COL22A1: variants seen among roughly 807,000 people sequenced by gnomAD.
The protein encoded by COL22A1 is collagen alpha-1(XXII) chain.
A neutral mutation model predicts 248.9 loss-of-function variants in COL22A1; 221 were observed. That is an observed-to-expected ratio of 0.89 (90% CI 0.80 to 0.99). COL22A1 has a LOEUF of 0.99. Ranked by LOEUF, COL22A1 falls within the 50% of genes least tolerant of loss-of-function variation. COL22A1 has a pLI of 0.00. For missense variants in COL22A1, 2,240 were observed against 2,179.0 expected (o/e 1.03, Z -0.56); for synonymous variants, 891 against 793.4 (o/e 1.12, Z -2.07).
intron 2 of COL22A1, among the ~76,000 whole-genome samples, chr8:138,879,834 C>T (rs1824047626): frequency 1.4e-5 from 1 of 71,540 alleles, no homozygotes; most frequent in Non-Finnish European, 2.7e-5. Flanking sequence ...AAACATTTGG[C>T]TATAAAACAA....
intron 1 of COL22A1, among the ~76,000 whole-genome samples, chr8:138,896,036 A>G (rs1825389814): frequency 6.6e-6 from 1 of 152,192 alleles, no homozygotes; most frequent in Non-Finnish European, 1.5e-5. Context: ...TCAACCCACA[A>G]TCTTATATCC....
chr8:138,903,016 C>T (rs1297288979), intron 1 of COL22A1, among the ~76,000 whole-genome samples: 2 of 152,012 alleles, frequency 1.3e-5, no homozygotes, highest in African/African-American at 4.8e-5. Context: ...GGGGCTAACA[C>T]GTGAATAAGA....
intron 27 of COL22A1, among the ~76,000 whole-genome samples, chr8:138,717,457 TTTTTA>T (rs1829533208): frequency 6.6e-6 from 1 of 152,104 alleles, no homozygotes; most frequent in Non-Finnish European, 1.5e-5. Flanking sequence ...AGAATTTATT[TTTTTA>T]TTTTTAGTTT....
In COL22A1 at chr8:138,751,356, A is replaced by C. The variant is rs111407804; in HGVS notation, c.2085+102T>G. The C allele has an allele frequency of 5.1e-3, 3,944 of 774,416 alleles. 87 individuals are homozygous for C. Among genetic ancestry groups the C allele is most frequent in the African/African-American group, 0.05 (2,826 of 56,870 alleles). 48.0% of individuals were successfully genotyped at this position (774,416 alleles called of 1,614,324 possible). ...CATTCTACTTCCAATATTCATTTCA[A>C]GTCCCTGAAACTGACACTGTCTATC... On this transcript the variant is annotated intron_variant, in intron 22 of 64. Transcript: ENST00000303045.
chr8:138,668,557 T>G (rs139955329), intron 41 of COL22A1, among the ~76,000 whole-genome samples: 4,249 of 152,332 alleles, frequency 0.028, 90 homozygotes, highest in Middle Eastern at 0.11. Context: ...CATTCTCTTC[T>G]TTCTCTGCTG....
intron 39 of COL22A1, among the ~76,000 whole-genome samples, chr8:138,681,181 G>C (rs11777130): frequency 1.3e-5 from 2 of 152,038 alleles, no homozygotes; most frequent in Admixed American, 1.3e-4. Flanking sequence ...GACCCCACAG[G>C]GTGATCTAAT....
intron 15 of COL22A1, 99 bp downstream of exon 15, chr8:138,778,254 C>T (rs775814399): frequency 7.6e-7 from 1 of 1,320,498 alleles, no homozygotes; most frequent in Non-Finnish European, 1.1e-6. Context: ...GGCAAAACAG[C>T]ATTACTGTCT....
chr8:138,717,848 G>A (rs1340563907), intron 27 of COL22A1, among the ~76,000 whole-genome samples: 1 of 152,208 alleles, frequency 6.6e-6, no homozygotes, highest in African/African-American at 2.4e-5. Flanking sequence ...CGATGATGAT[G>A]GTGGTGGTGA....
intron 1 of COL22A1, among the ~76,000 whole-genome samples, chr8:138,911,832 G>A (rs765796410): frequency 2.0e-5 from 3 of 152,204 alleles, no homozygotes; most frequent in Non-Finnish European, 4.4e-5. Context: ...TGCTCCAAAT[G>A]TTTTAAAGGA....
intron 3 of COL22A1, among the ~76,000 whole-genome samples, chr8:138,866,322 T>G (rs1364345481): frequency 1.6e-4 from 24 of 152,210 alleles, no homozygotes; most frequent in Admixed American, 1.6e-3. Context: ...CTACAGGACA[T>G]GAGAGGCACT....
intron 11 of COL22A1, among the ~76,000 whole-genome samples, chr8:138,798,643 T>C (rs887698903): frequency 9.2e-5 from 14 of 152,212 alleles, no homozygotes; most frequent in African/African-American, 1.7e-4. Flanking sequence ...GGTTGTAATG[T>C]ATTGTTATAC....
intron 3 of COL22A1, among the ~76,000 whole-genome samples, chr8:138,857,034 C>T (rs1384689804): frequency 6.6e-6 from 1 of 152,088 alleles, no homozygotes; most frequent in Non-Finnish European, 1.5e-5. Flanking sequence ...CTTTGCCCCT[C>T]TGATTCTCCC....
chr8:138,874,354 C>T (rs1360754462), intron 3 of COL22A1, among the ~76,000 whole-genome samples: 1 of 152,168 alleles, frequency 6.6e-6, no homozygotes, highest in Non-Finnish European at 1.5e-5. Context: ...GTAGGGTTTC[C>T]CTTTCTCTTG....
intron 1 of COL22A1, 31 bp from the exon 2 acceptor site, chr8:138,883,275 C>A: frequency 8.3e-7 from 1 of 1,209,668 alleles, no homozygotes; most frequent in Non-Finnish European, 1.2e-6. Context: ...TTAGAGAAGG[C>A]TCTCAAGCTG....
intron 33 of COL22A1, 123 bp downstream of exon 33, chr8:138,694,703 G>C: frequency 2.2e-6 from 3 of 1,380,112 alleles, no homozygotes; most frequent in Non-Finnish European, 3.0e-6. Flanking sequence ...AGAAAGGGCT[G>C]CCTTCCATTC....
intron 40 of COL22A1, among the ~76,000 whole-genome samples, chr8:138,677,281 A>G (rs1412306221): frequency 6.6e-6 from 1 of 152,224 alleles, no homozygotes; most frequent in African/African-American, 2.4e-5. Context: ...GGGGAACAGG[A>G]CAGGAGCTGC....
chr8:138,782,676 G>T (rs961030061), intron 12 of COL22A1, among the ~76,000 whole-genome samples: 1 of 152,236 alleles, frequency 6.6e-6, no homozygotes, highest in Admixed American at 6.5e-5. Flanking sequence ...GGCCTCAGGT[G>T]TGAAGTGTGG....
At chr8:138,672,440 A>AG (rs1204263023) in intron 41 of COL22A1, among the ~76,000 whole-genome samples, 1 of 152,096 alleles carries the variant, frequency 6.6e-6, no homozygotes, top group Non-Finnish European at 1.5e-5. Flanking sequence ...TGAAAAAAAA[A>AG]CTGTTCTGTT....
At chr8:138,895,798 C>T (rs1387989160) in intron 1 of COL22A1, among the ~76,000 whole-genome samples, 1 of 152,102 alleles carries the variant, frequency 6.6e-6, no homozygotes, top group Non-Finnish European at 1.5e-5. Context: ...ATCCTAGAAG[C>T]TGTAGATCCT....
Sources: gnomAD v4.1 joint callset for allele counts (sites outside exome capture counted in the v4.1 genomes callset) on GRCh38, gnomAD v4.1.1 for gene constraint, MANE v1.5 for transcripts, NCBI Gene and HGNC (gene_info 2026-07-23, HGNC 2026-07-21) for gene names.